Variants in MYO5A observed in about 807,000 individuals in gnomAD.
MYO5A encodes unconventional myosin-Va.
A neutral mutation model predicts 249.7 loss-of-function variants in MYO5A; 98 were observed. The observed-to-expected ratio is 0.39, with a 90% confidence interval of 0.33 to 0.46. MYO5A has a LOEUF of 0.46. Among genes scored for constraint, MYO5A ranks in the 20% least tolerant of loss-of-function variants. The pLI is 0.98. For missense variants in MYO5A, 1,696 were observed against 2,308.8 expected, an observed-to-expected ratio of 0.73 and a Z score of 5.44; for synonymous variants, 778 against 810.6, an observed-to-expected ratio of 0.96 and a Z score of 0.68.
At chr15:52,507,576 G>A (rs2077299240) in intron 1 of MYO5A, among the ~76,000 whole-genome samples, 1 of 152,134 alleles carries the variant, frequency 6.6e-6, no homozygotes, top group Non-Finnish European at 1.5e-5. Context: ...CCAGCACTTT[G>A]GGAGGCCAAG....
At chr15:52,446,217 C>T (rs1430465663) in intron 1 of MYO5A, among the ~76,000 whole-genome samples, 2 of 152,242 alleles carry the variant, frequency 1.3e-5, no homozygotes, top group African/African-American at 4.8e-5. Context: ...TAGGGCCCCA[C>T]TACCCTGCAC....
intron 1 of MYO5A, among the ~76,000 whole-genome samples, chr15:52,436,639 C>G (rs1223315869): frequency 6.6e-6 from 1 of 152,220 alleles, no homozygotes; most frequent in African/African-American, 2.4e-5. Flanking sequence ...TTCATTAGAA[C>G]ATAAGTTCTG....
intron 16 of MYO5A, among the ~76,000 whole-genome samples, chr15:52,381,961 G>A (rs1490167246): frequency 1.3e-5 from 2 of 152,176 alleles, no homozygotes; most frequent in African/African-American, 4.8e-5. Flanking sequence ...AGAGTGCAGT[G>A]GAGTGATCTC....
intron 38 of MYO5A, among the ~76,000 whole-genome samples, chr15:52,321,146 T>C (rs2038290063): frequency 6.6e-6 from 1 of 152,264 alleles, no homozygotes; most frequent in South Asian, 2.1e-4. Flanking sequence ...AACCATATAC[T>C]ACTGTTTCAG....
chr15:52,519,975 C>T (rs1422623808), intron 1 of MYO5A, among the ~76,000 whole-genome samples: 1 of 152,126 alleles, frequency 6.6e-6, no homozygotes, highest in Non-Finnish European at 1.5e-5. Context: ...ATGATCCGCC[C>T]GCCTTGGCCT....
At chr15:52,377,609 C>A (rs2041489071) in intron 18 of MYO5A, among the ~76,000 whole-genome samples, 2 of 135,966 alleles carry the variant, frequency 1.5e-5, no homozygotes, top group Non-Finnish European at 3.1e-5. Flanking sequence ...CTCGCTCTGT[C>A]TCCCAAGCTG....
At chr15:52,371,975 C>T (rs986834534) in intron 21 of MYO5A, 149 bp downstream of exon 21, 8 of 1,091,524 alleles carry the variant, frequency 7.3e-6, no homozygotes, top group Admixed American at 1.9e-5. Context: ...TTCATAAGTA[C>T]TTCCATGCCC....
chr15:52,454,169 G>C (rs181925024), intron 1 of MYO5A, among the ~76,000 whole-genome samples: 414 of 152,128 alleles, frequency 2.7e-3, no homozygotes, highest in South Asian at 5.4e-3. Flanking sequence ...GGGATGGAAA[G>C]AGATATTGCA....
In MYO5A at chr15:52,317,169, C is replaced by T. The variant is rs1487524515; in HGVS notation, c.5288G>A (p.Ser1763Asn). 2 of 1,614,090 alleles carry T rather than the reference C, an allele frequency of 1.2e-6. No homozygotes were observed. The highest frequency in any genetic ancestry group is 2.2e-5 in the East Asian group (1 of 44,868). Residue 1763 changes from serine (S) to asparagine (N), a missense_variant, in exon 40 of 42, where the codon AGT becomes AAT. Around this residue, in one of 5 missense-constraint regions of MYO5A, gnomAD observed 625 missense variants for 908.1 expected, o/e 0.69. Transcript: ENST00000399233. ...EWLRDKNLMN[S>N]GAKETLEPLI... ...AGGTTCCAGGGTTTCTTTAGCCCCACTATTCATCAGATTCTTGTCACGCAG... is the reference window on the plus strand; with the variant it reads ...AGGTTCCAGGGTTTCTTTAGCCCCATTATTCATCAGATTCTTGTCACGCAG...
chr15:52,472,354 C>A (rs2076492428), intron 1 of MYO5A, among the ~76,000 whole-genome samples: 1 of 152,186 alleles, frequency 6.6e-6, no homozygotes, highest in African/African-American at 2.4e-5. Context: ...GCTGGGATTA[C>A]AGGCTTGAGC....
chr15:52,321,325 C>A (rs1296230536), intron 38 of MYO5A, 34 bp downstream of exon 38: 2 of 1,613,664 alleles, frequency 1.2e-6, no homozygotes, highest in Admixed American at 1.7e-5. Flanking sequence ...GAATGATAGG[C>A]AGGCTGCAAT....
rs199675131 is a variant in MYO5A at position 52,314,142 on chromosome 15, G to A, written c.5471C>T (p.Ser1824Leu). The A allele has an allele frequency of 3.5e-4, 557 of 1,609,896 alleles. 2 individuals carry two copies. Among genetic ancestry groups the A allele is most frequent in the South Asian group, 6.6e-5 (6 of 90,966 alleles). The part of the protein sequence containing the change: ...VNEFEERVSV[S>L]FIRTIQMRLR... The stretch of plus-strand genomic sequence containing the variant: ...TCTTACCTGTATAGTACGAATGAAC[G>A]ACACAGAGACTCTTTCTTCAAACTC... Residue 1824 changes from serine to leucine, a missense_variant, in exon 41 of 42, where the codon TCG becomes TTG. This residue lies in a region of MYO5A where 625 missense variants were observed against 908.1 expected (regional missense o/e 0.69). Coordinates refer to ENST00000399233, the MANE Select transcript of MYO5A (RefSeq NM_001382347.1).
chr15:52,528,084 G>A (rs115029431), intron 1 of MYO5A, among the ~76,000 whole-genome samples: 2,422 of 152,256 alleles, frequency 0.016, 73 homozygotes, highest in African/African-American at 0.056. Context: ...AAACCCAGAA[G>A]GGAAAGGCTT....
At chr15:52,341,590 C>T (rs142029509) in intron 31 of MYO5A, among the ~76,000 whole-genome samples, 1 of 152,160 alleles carries the variant, frequency 6.6e-6, no homozygotes, top group Non-Finnish European at 1.5e-5. Flanking sequence ...TCTTTTATTC[C>T]AGTCCCTTGG....
chr15:52,417,303 T>C (rs1236921502), intron 4 of MYO5A, among the ~76,000 whole-genome samples: 1 of 152,232 alleles, frequency 6.6e-6, no homozygotes, highest in African/African-American at 2.4e-5. Context: ...GAGATACTCT[T>C]TGAAGCCACA....
At chr15:52,435,627 C>G (rs1295671888) in intron 1 of MYO5A, 1 of 454,440 alleles carries the variant, frequency 2.2e-6, no homozygotes, top group Non-Finnish European at 4.4e-6. Context: ...TATTGGGAAG[C>G]TGCTGTGGTA....
At chr15:52,514,486 T>C (rs533482797) in intron 1 of MYO5A, among the ~76,000 whole-genome samples, 1 of 152,168 alleles carries the variant, frequency 6.6e-6, no homozygotes, top group Admixed American at 6.5e-5. Flanking sequence ...AACTAATTCA[T>C]GAATGAAAAG....
chr15:52,406,745 A>C (rs1277474019), intron 8 of MYO5A, among the ~76,000 whole-genome samples: 1 of 152,134 alleles, frequency 6.6e-6, no homozygotes, highest in African/African-American at 2.4e-5. Flanking sequence ...GTGACATCTG[A>C]GCTGCTTCAG....
chr15:52,409,081 A>G (rs535111893), intron 6 of MYO5A, among the ~76,000 whole-genome samples: 5 of 152,232 alleles, frequency 3.3e-5, no homozygotes, highest in African/African-American at 1.2e-4. Context: ...TGACAAGCCA[A>G]ACATCCTTGA....
Sources: allele counts gnomAD v4.1 joint callset (sites outside exome capture counted in the v4.1 genomes callset), GRCh38; gene constraint gnomAD v4.1.1; regional missense constraint gnomAD v4.1.1; transcripts MANE v1.5; gene names NCBI Gene and HGNC (gene_info 2026-07-23, HGNC 2026-07-21).